SLC1A2: variants seen among roughly 807,000 people sequenced by gnomAD.
The protein encoded by SLC1A2 is solute carrier family 1 member 2, also known as excitatory amino acid transporter 2.
A neutral mutation model predicts 48.8 loss-of-function variants in SLC1A2; 15 were observed. The observed-to-expected ratio is 0.31, with a 90% CI of 0.21 to 0.47. The LOEUF (loss-of-function observed/expected upper bound fraction) is 0.47. SLC1A2 is among the 20% of genes least tolerant of loss of function. SLC1A2 has a pLI of 0.99. For missense variants in SLC1A2, 502 were observed against 730.5 expected (o/e 0.69, Z 3.61); for synonymous variants, 279 against 272.6 (o/e 1.02, Z -0.23).
intron 1 of SLC1A2, among the ~76,000 whole-genome samples, chr11:35,411,889 T>C (rs993734352): frequency 6.6e-6 from 1 of 152,160 alleles, no homozygotes; most frequent in African/African-American, 2.4e-5. Flanking sequence ...AAGAATAACT[T>C]CTTTCTGTAA....
At chr11:35,302,309 A>T (rs749643320) in intron 5 of SLC1A2, among the ~76,000 whole-genome samples, 1 of 152,186 alleles carries the variant, frequency 6.6e-6, no homozygotes, top group Non-Finnish European at 1.5e-5. Context: ...TGTCATAATT[A>T]TTTTCATGAT....
chr11:35,338,778 G>T (rs1344851878), intron 1 of SLC1A2, among the ~76,000 whole-genome samples: 1 of 152,148 alleles, frequency 6.6e-6, no homozygotes, highest in African/African-American at 2.4e-5. Flanking sequence ...GTCAGACTAA[G>T]GTAGGCTTCC....
At chr11:35,401,250 GA>G (rs1441160732) in intron 1 of SLC1A2, among the ~76,000 whole-genome samples, 1 of 151,974 alleles carries the variant, frequency 6.6e-6, no homozygotes, top group African/African-American at 2.4e-5. Flanking sequence ...TCCTGGATCA[GA>G]AAAAAAGACC....
In SLC1A2 at chr11:35,308,273, A is replaced by C. The variant is rs78783999; in HGVS notation, c.562-2031T>G. ...GCTGAAGCAGGATTCGAGATGAGTTATGTTTGACTCCAGAAATCCAGATTT... is the reference window on the plus strand; with the variant it reads ...GCTGAAGCAGGATTCGAGATGAGTTCTGTTTGACTCCAGAAATCCAGATTT... On this transcript the variant is annotated intron_variant, in intron 4 of 10. Coordinates refer to ENST00000278379, the MANE Select transcript of SLC1A2 (RefSeq NM_004171.4). Among the ~76,000 whole-genome samples the C allele has an allele frequency of 1.6e-3, 247 of 152,318 alleles. 9 individuals carry two copies. In the East Asian group the frequency reaches 0.041, roughly 26 times the overall value.
chr11:35,349,255 G>A (rs1306898451), intron 1 of SLC1A2, among the ~76,000 whole-genome samples: 3 of 152,140 alleles, frequency 2.0e-5, no homozygotes, highest in Non-Finnish European at 4.4e-5. Context: ...GCGCCAAATC[G>A]AAAGGGAGAA....
chr11:35,350,845 C>G (rs1186614095), intron 1 of SLC1A2, among the ~76,000 whole-genome samples: 1 of 152,304 alleles, frequency 6.6e-6, no homozygotes, highest in South Asian at 2.1e-4. Context: ...AATTCATGGT[C>G]TGGAAAATGA....
chr11:35,317,110 C>A, intron 2 of SLC1A2: 1 of 405,690 alleles, frequency 2.5e-6, no homozygotes, highest in Non-Finnish European at 4.5e-6. Context: ...AGCAAAGTCT[C>A]CATAAGTATA....
chr11:35,324,673 G>A (rs1377799484), intron 1 of SLC1A2, among the ~76,000 whole-genome samples: 1 of 152,076 alleles, frequency 6.6e-6, no homozygotes, highest in African/African-American at 2.4e-5. Flanking sequence ...AGTGGGTGGG[G>A]GCCTGGGAAG....
chr11:35,386,932 T>C (rs1193841496), intron 1 of SLC1A2, among the ~76,000 whole-genome samples: 1 of 152,144 alleles, frequency 6.6e-6, no homozygotes, highest in Non-Finnish European at 1.5e-5. Flanking sequence ...ACATCTTTTT[T>C]CCCCCTTTTT....
At chr11:35,380,538 C>T (rs55751484) in intron 1 of SLC1A2, 106,626 of 397,226 alleles carry the variant, frequency 0.27, 16,165 homozygotes, top group Non-Finnish European at 0.31. Flanking sequence ...AGGTCTACAG[C>T]GAGCTGCAAA....
intron 1 of SLC1A2, among the ~76,000 whole-genome samples, chr11:35,383,555 A>C (rs1346132339): frequency 6.6e-6 from 1 of 152,174 alleles, no homozygotes; most frequent in Non-Finnish European, 1.5e-5. Context: ...AGTTACCCAG[A>C]TTCTCTGTGT....
intron 1 of SLC1A2, among the ~76,000 whole-genome samples, chr11:35,388,707 T>G (rs1854659792): frequency 6.6e-6 from 1 of 152,212 alleles, no homozygotes; most frequent in East Asian, 1.9e-4. Flanking sequence ...GACATGTTTT[T>G]ATTGAAAGAT....
chr11:35,409,834 A>G (rs934987236), intron 1 of SLC1A2, among the ~76,000 whole-genome samples: 2 of 152,134 alleles, frequency 1.3e-5, no homozygotes, highest in African/African-American at 4.8e-5. Flanking sequence ...ACTGGAACCC[A>G]GGAGGTGGAA....
rs1950367019 is a variant in SLC1A2 at position 35,259,772 on chromosome 11, T to C, written c.*1122A>G. The stretch of plus-strand genomic sequence containing the variant: ...CAACTGTGTCCTATAACTGGTTTTA[T>C]GTGCTTTGATAGAAGATAACAAAAC... On this transcript the variant is annotated 3_prime_UTR_variant, in exon 11 of 11. Transcript: ENST00000278379. 1 of 152,360 alleles carries C rather than the reference T, an allele frequency of 6.6e-6. No individual in the cohort carries two copies. The highest frequency in any genetic ancestry group is 1.9e-4 in the East Asian group (1 of 5,190). 9.4% of individuals were successfully genotyped at this position (152,360 alleles called of 1,614,324 possible).
chr11:35,295,714 G>C (rs937667162), intron 6 of SLC1A2, among the ~76,000 whole-genome samples: 28 of 152,188 alleles, frequency 1.8e-4, no homozygotes, highest in African/African-American at 6.8e-4. Flanking sequence ...ATTCATCCAG[G>C]ACTGGCCTGT....
chr11:35,379,464 C>T (rs922364910), intron 1 of SLC1A2, among the ~76,000 whole-genome samples: 4 of 152,172 alleles, frequency 2.6e-5, no homozygotes, highest in Admixed American at 6.5e-5. Flanking sequence ...AACTCCCACC[C>T]ACAAAGAACA....
chr11:35,284,272 T>C (rs1047227918), intron 8 of SLC1A2, among the ~76,000 whole-genome samples: 1 of 151,892 alleles, frequency 6.6e-6, no homozygotes, highest in Non-Finnish European at 1.5e-5. Context: ...CTGTGCCTCA[T>C]TTTCTCCATC....
Position 35,418,983 on chromosome 11 carries a change from C to G in SLC1A2, c.-17G>C, listed in dbSNP as rs764323443. Reference sequence around the variant, plus strand: ...AGATGCCATGGTCTGGGGAACGCCCCCTCCTCTTCAGCACTATCCGGCAGC... The same window carrying G: ...AGATGCCATGGTCTGGGGAACGCCCGCTCCTCTTCAGCACTATCCGGCAGC... On this transcript the variant is annotated 5_prime_UTR_variant, in exon 1 of 11. Coordinates refer to ENST00000278379, the MANE Select transcript of SLC1A2 (RefSeq NM_004171.4). 8 of 1,564,448 alleles carry G rather than the reference C, an allele frequency of 5.1e-6. No individual in the cohort carries two copies. Among genetic ancestry groups the G allele is most frequent in the South Asian group, 2.4e-5 (2 of 85,024 alleles).
chr11:35,324,328 G>C (rs925777580), intron 1 of SLC1A2, among the ~76,000 whole-genome samples: 3 of 152,326 alleles, frequency 2.0e-5, no homozygotes, highest in South Asian at 4.1e-4. Flanking sequence ...AGACAAGTTG[G>C]TGGAATGCAA....
Sources: allele counts gnomAD v4.1 joint callset (sites outside exome capture counted in the v4.1 genomes callset), GRCh38; gene constraint gnomAD v4.1.1; transcripts MANE v1.5; gene names NCBI Gene and HGNC (gene_info 2026-07-23, HGNC 2026-07-21).